CTSB: variants seen among roughly 807,000 people sequenced by gnomAD.
The protein encoded by CTSB is cathepsin B, also known as APP secretase.
A neutral mutation model predicts 44.3 loss-of-function variants in CTSB; 57 were observed. The observed-to-expected ratio is 1.29, with a 90% CI of 1.04 to 1.60. The LOEUF (loss-of-function observed/expected upper bound fraction) is 1.60. CTSB is among the 40% of genes most tolerant of loss of function. The probability of loss-of-function intolerance (pLI) is 0.00; values close to 1 mark genes in which losing one functional copy is unlikely to be tolerated. For synonymous variants in CTSB, 320 were observed against 168.0 expected (o/e 1.91, Z -7.00); for missense variants, 768 against 443.0 (o/e 1.73, Z -6.59).
intron 6 of CTSB, 76 bp from the exon 7 acceptor site, chr8:11,847,898 C>T (rs1255774898): frequency 6.9e-6 from 10 of 1,439,872 alleles, no homozygotes; most frequent in South Asian, 1.3e-5. Context: ...AAGCCTCGTG[C>T]CTGCAGCATG....
chr8:11,849,286 G>A (rs930961792), intron 4 of CTSB, 122 bp from the exon 5 acceptor site: 3 of 666,000 alleles, frequency 4.5e-6, no homozygotes, highest in Non-Finnish European at 7.9e-6. Context: ...TCAACACCAG[G>A]GGACGCTCCT....
chr8:11,858,462 G>A (rs559553470), intron 1 of CTSB, among the ~76,000 whole-genome samples: 89 of 152,076 alleles, frequency 5.9e-4, no homozygotes, highest in African/African-American at 2.0e-3. Flanking sequence ...GCCCAGCTTT[G>A]TATTTTTTGT....
At chr8:11,846,957 C>T (rs988304340) in intron 8 of CTSB, 95 bp downstream of exon 8, 4 of 728,402 alleles carry the variant, frequency 5.5e-6, no homozygotes, top group East Asian at 2.7e-5. Context: ...CACCTGCCTG[C>T]CCAATCCAGC....
chr8:11,866,959 A>G (rs1281983097), intron 1 of CTSB, among the ~76,000 whole-genome samples: 1 of 152,186 alleles, frequency 6.6e-6, no homozygotes, highest in Non-Finnish European at 1.5e-5. Flanking sequence ...ATGTTTTTCC[A>G]GGCTACAAAA....
At chr8:11,858,386 C>T (rs1382677489) in intron 1 of CTSB, among the ~76,000 whole-genome samples, 1 of 152,202 alleles carries the variant, frequency 6.6e-6, no homozygotes, top group East Asian at 1.9e-4. Flanking sequence ...ACTCTGCCTC[C>T]TGGGCTCAAG....
At chr8:11,861,230 C>G (rs773473531) in intron 1 of CTSB, 1 of 152,454 alleles carries the variant, frequency 6.6e-6, no homozygotes, top group African/African-American at 2.4e-5. Flanking sequence ...GCTGTAGCCC[C>G]GAAGCAACTG....
At position 11,845,891 on chromosome 8, in the gene CTSB, C is replaced by A. The variant is rs894676698; in HGVS notation, c.794-102G>T. On this transcript the variant is annotated intron_variant, in intron 8 of 9. Transcript: ENST00000353047. Reference sequence around the variant, plus strand: ...GTCATGCTCCGGGAAGGAGAAACAGCTTCCAGAGGGAACCTGCTGCTCCAC... The same window carrying A: ...GTCATGCTCCGGGAAGGAGAAACAGATTCCAGAGGGAACCTGCTGCTCCAC... The A allele has an allele frequency of 1.0e-5, 14 of 1,381,756 alleles. No individual in the cohort carries two copies. The East Asian group carries it at 3.7e-4, about 36-fold the overall frequency. 85.6% of individuals were successfully genotyped at this position (1,381,756 alleles called of 1,614,324 possible). A position where few individuals can be genotyped will look rare whatever the true frequency, so the allele number is the denominator to read the frequency against.
chr8:11,850,890 G>T lies in CTSB; in HGVS notation c.303C>A (p.Asp101Glu). The change falls in exon 4 of 10, where the codon GAC (aspartate) becomes GAA (glutamate). Residue 101 changes from aspartate to glutamate, a missense_variant. Physicochemically the swap from Asp to Glu is conservative, Grantham distance 45. Coordinates refer to ENST00000353047, the MANE Select transcript of CTSB (RefSeq NM_001908.5). ...CCCAGCAGGAGCCACAGGAGCCCTGGTCTCTGATCTCTTTGATGGTGGGAC... is the reference window on the plus strand; with the variant it reads ...CCCAGCAGGAGCCACAGGAGCCCTGTTCTCTGATCTCTTTGATGGTGGGAC... Reference protein sequence around the residue: ...PQCPTIKEIRDQGSCGSCWAF... With the variant: ...PQCPTIKEIREQGSCGSCWAF... 1 of 1,613,294 alleles carries T rather than the reference G, an allele frequency of 6.2e-7. No individual in the cohort carries two copies. Among genetic ancestry groups the T allele is most frequent in the Non-Finnish European group, 8.5e-7 (1 of 1,179,516 alleles).
At position 11,853,403 on chromosome 8, in the gene CTSB, G is replaced by A. The variant is rs373714691; in HGVS notation, c.52C>T (p.Arg18Trp). ...LCCLLVLANA[R>W]SRPSFHPLSD... ...AGGGGATGGAAAGAGGGCCTGCTCC[G>A]GGCATTGGCCAACACCAGCAGGCAG... is the stretch of plus-strand genomic sequence containing the variant. The change falls in exon 2 of 10, where the codon CGG (arginine) becomes TGG (tryptophan). Residue 18 changes from arginine (R) to tryptophan (W), a missense_variant. Physicochemically the swap from Arg to Trp is moderately radical, Grantham distance 101. Transcript: ENST00000353047. The A allele has an allele frequency of 2.0e-5, 33 of 1,612,560 alleles. No homozygotes were observed. Among genetic ancestry groups the A allele is most frequent in the African/African-American group, 1.2e-4 (9 of 74,376 alleles).
chr8:11,850,454 A>G (rs2131033775), intron 4 of CTSB, among the ~76,000 whole-genome samples: 1 of 151,964 alleles, frequency 6.6e-6, no homozygotes, highest in East Asian at 1.9e-4. Context: ...AAGAAAAAGA[A>G]AACAAAAGAA....
intron 8 of CTSB, among the ~76,000 whole-genome samples, chr8:11,846,704 A>G (rs1244046226): frequency 6.6e-6 from 1 of 152,364 alleles, no homozygotes; most frequent in South Asian, 2.1e-4. Context: ...TGGTAAAGCA[A>G]TGCAAAGCCA....
chr8:11,853,223 A>G, intron 2 of CTSB, 106 bp downstream of exon 2: 1 of 1,490,386 alleles, frequency 6.7e-7, no homozygotes. Context: ...ACAGTCCAGG[A>G]CAATGTTCTG....
intron 1 of CTSB, among the ~76,000 whole-genome samples, chr8:11,856,344 T>C (rs1023083031): frequency 2.6e-5 from 4 of 152,122 alleles, no homozygotes; most frequent in African/African-American, 9.7e-5. Context: ...AAAAAAGCAA[T>C]TAGTTGGTGG....
chr8:11,847,866 C>A (rs375101686), intron 6 of CTSB, 44 bp from the exon 7 acceptor site: 24 of 1,541,932 alleles, frequency 1.6e-5, no homozygotes, highest in African/African-American at 7.1e-5. Context: ...ACAGCCCCCA[C>A]GGAGAAGACC....
rs1461523913 is a variant in CTSB, at chr8:11,844,133, G to A, written c.*992C>T. The A allele has an allele frequency of 4.6e-5, 7 of 152,236 alleles. No individual in the cohort carries two copies. Among genetic ancestry groups the A allele is most frequent in the Admixed American group, 4.6e-4 (7 of 15,284 alleles). The allele number at this position is 152,236 out of a possible 1,614,324, so 9.4% of individuals were successfully genotyped here. On this transcript the variant is annotated 3_prime_UTR_variant, in exon 10 of 10. Coordinates refer to ENST00000353047, the MANE Select transcript of CTSB (RefSeq NM_001908.5). ...CAGAGAAGGTTGACGAGGATGACAGGGAACTAATTGGGGGAGGGATGCCAT... is the reference window on the plus strand; with the variant it reads ...CAGAGAAGGTTGACGAGGATGACAGAGAACTAATTGGGGGAGGGATGCCAT...
chr8:11,862,693 G>A (rs1816606186), intron 1 of CTSB, among the ~76,000 whole-genome samples: 1 of 152,334 alleles, frequency 6.6e-6, no homozygotes, highest in East Asian at 1.9e-4. Context: ...GGCTGGCACC[G>A]CCCTCCTGGG....
At chr8:11,862,753 A>G (rs1442664981) in intron 1 of CTSB, among the ~76,000 whole-genome samples, 2 of 152,254 alleles carry the variant, frequency 1.3e-5, no homozygotes, top group African/African-American at 2.4e-5. Flanking sequence ...ACATTCTGCC[A>G]GAGTCCAGGT....
At chr8:11,845,882 G>A (rs1358507454) in intron 8 of CTSB, 93 bp from the exon 9 acceptor site, 3 of 1,423,644 alleles carry the variant, frequency 2.1e-6, no homozygotes, top group Non-Finnish European at 2.8e-6. Flanking sequence ...CTCCGGGAAG[G>A]AGAAACAGCT....
At chr8:11,852,580 T>C in intron 3 of CTSB, 30 bp downstream of exon 3, 1 of 1,585,378 alleles carries the variant, frequency 6.3e-7, no homozygotes, top group Non-Finnish European at 8.6e-7. Context: ...GCCACTCACA[T>C]TACAGCGGTG....
Sources: allele counts gnomAD v4.1 joint callset (sites outside exome capture counted in the v4.1 genomes callset), GRCh38; gene constraint gnomAD v4.1.1; transcripts MANE v1.5; gene names NCBI Gene and HGNC (gene_info 2026-07-23, HGNC 2026-07-21).